Variants in ADAMTS10 observed in about 807,000 individuals in gnomAD.
The protein encoded by ADAMTS10 is ADAM metallopeptidase with thrombospondin type 1 motif 10, also known as A disintegrin and metalloproteinase with thrombospondin motifs 10.
In ADAMTS10, 48 loss-of-function variants were observed where a neutral mutation model predicts 135.9. The ratio of observed to expected loss-of-function variants is 0.35; its 90% CI spans 0.28 to 0.45. The LOEUF (loss-of-function observed/expected upper bound fraction) is 0.45. ADAMTS10 is among the 20% of genes least tolerant of loss of function. The pLI, the probability that ADAMTS10 is intolerant of heterozygous loss-of-function variation, is 1.00. For missense variants in ADAMTS10, 1,131 were observed against 1,565.2 expected (o/e 0.72, Z 4.68); for synonymous variants, 621 against 647.5 (o/e 0.96, Z 0.62).
chr19:8,581,103 G>T, intron 25 of ADAMTS10, 101 bp from the exon 26 acceptor site: 1 of 466,560 alleles, frequency 2.1e-6, no homozygotes, highest in Non-Finnish European at 3.7e-6. Context: ...GACTTTCTGT[G>T]CCTTGGTTTC....
rs2042711922 is a variant in ADAMTS10 at position 8,605,521 on chromosome 19, T to C, written c.88+102A>G. 5.3e-6 allele frequency: 6 copies of C among 1,142,098 alleles called. No individual in the cohort carries two copies. Among genetic ancestry groups the C allele is most frequent in the South Asian group, 1.3e-5 (1 of 76,044 alleles). The allele number at this position is 1,142,098 out of a possible 1,614,324, so 70.7% of individuals were successfully genotyped here. A position where few individuals can be genotyped will look rare whatever the true frequency, so the allele number is the denominator to read the frequency against. On this transcript the variant is annotated intron_variant, in intron 3 of 25. Transcript: ENST00000597188. The surrounding 1 kb of genome is among the most constrained non-coding windows in gnomAD (Gnocchi z 7.7). ...CTATTGACCCCAGGGCCTTCCCCCA[T>C]TGACCCCCATCCCAGCCCCCTGATG...
intron 12 of ADAMTS10, chr19:8,593,459 C>G (rs2042567741): frequency 6.3e-6 from 1 of 157,658 alleles, no homozygotes; most frequent in African/African-American, 2.4e-5. Context: ...ACTGGAGAAG[C>G]CCCCAACACT....
intron 6 of ADAMTS10, among the ~76,000 whole-genome samples, chr19:8,600,497 TTTC>T (rs1186595796): frequency 3.8e-5 from 5 of 131,680 alleles, no homozygotes; most frequent in Non-Finnish European, 7.6e-5. Flanking sequence ...TTTTCTTTCT[TTTC>T]TTTTTTTTTT....
intron 6 of ADAMTS10, among the ~76,000 whole-genome samples, chr19:8,599,051 T>G (rs2042635626): frequency 6.6e-6 from 1 of 152,114 alleles, no homozygotes; most frequent in Admixed American, 6.6e-5. Flanking sequence ...CCTTACTATG[T>G]GCCAAATAGC....
At chr19:8,594,721 G>A (rs1382154367) in intron 12 of ADAMTS10, among the ~76,000 whole-genome samples, 1 of 152,186 alleles carries the variant, frequency 6.6e-6, no homozygotes, top group African/African-American at 2.4e-5. Flanking sequence ...CAGGAGTTTA[G>A]ATGGTGACAC....
intron 2 of ADAMTS10, among the ~76,000 whole-genome samples, chr19:8,607,524 CCCT>C (rs782642542): frequency 2.1e-4 from 32 of 152,254 alleles, no homozygotes; most frequent in Non-Finnish European, 3.4e-4. Flanking sequence ...GCTGTCTCCA[CCCT>C]CCTCCTCCTC....
Position 8,586,212 on chromosome 19 carries a change from T to A in ADAMTS10, c.2570A>T (p.Asp857Val). Residue 857 changes from aspartate (D) to valine (V), a missense_variant, in exon 22 of 26, where the codon GAC becomes GTC. This residue lies in a region of ADAMTS10 where 745 missense variants were observed against 1,056.3 expected (regional missense o/e 0.71). Transcript: ENST00000597188. ...VQAVECRNQL[D>V]SSAVAPHYCS... ...GTAGTGGGGGGCGACCGCGGAGCTG[T>A]CCAGCTGGTTGCGGCACTCCACCGC... 1 of 1,612,928 alleles carries A rather than the reference T, an allele frequency of 6.2e-7. No individual in the cohort carries two copies. The highest frequency in any genetic ancestry group is 8.5e-7 in the Non-Finnish European group (1 of 1,179,920).
Position 8,589,245 on chromosome 19 carries a change from C to A in ADAMTS10, c.2155G>T (p.Ala719Ser). 1 of 1,612,640 alleles carries A rather than the reference C, an allele frequency of 6.2e-7. No individual in the cohort carries two copies. The highest frequency in any genetic ancestry group is 1.1e-5 in the South Asian group (1 of 91,084). Residue 719 changes from alanine to serine, a missense_variant, in exon 18 of 26, where the codon GCC becomes TCC. Physicochemically the swap from Ala to Ser is moderately conservative, Grantham distance 99. Around this residue, in one of 3 missense-constraint regions of ADAMTS10, gnomAD observed 745 missense variants for 1,056.3 expected, o/e 0.71. Coordinates refer to ENST00000597188, the MANE Select transcript of ADAMTS10 (RefSeq NM_030957.4). ...GAGGGAAGCTGGAGACTCTCACCGG[C>A]CCCAGGTGAGGCTGGGCTGAAGACG... Reference protein sequence around the residue: ...EGVFSPASPGAGYEDVVWIPK... With the variant: ...EGVFSPASPGSGYEDVVWIPK...
chr19:8,604,007 T>C (rs1238196835), intron 4 of ADAMTS10, 123 bp from the exon 5 acceptor site: 5 of 1,112,278 alleles, frequency 4.5e-6, no homozygotes, highest in Non-Finnish European at 4.9e-6. Flanking sequence ...ATTTCTTTTT[T>C]TTTTTTTGGC....
chr19:8,598,337 G>A (rs2042627522), intron 6 of ADAMTS10, among the ~76,000 whole-genome samples: 1 of 151,584 alleles, frequency 6.6e-6, no homozygotes, highest in Non-Finnish European at 1.5e-5. Flanking sequence ...TTGTCCAGAG[G>A]CGACCTGAGG....
In ADAMTS10 at chr19:8,593,548, C is replaced by T. The variant is rs535678676; in HGVS notation, c.1480-678G>A. ...CTGTGTGGGACATGCCTCTCTTTCT[C>T]CAGGTGAAAAATCAGCCCCACCTTC... On this transcript the variant is annotated intron_variant, in intron 12 of 25. Transcript: ENST00000597188. The T allele has an allele frequency of 2.6e-5, 4 of 152,602 alleles. No homozygotes were observed. In the South Asian group the frequency reaches 8.3e-4, roughly 32 times the overall value. 9.5% of individuals were successfully genotyped at this position (152,602 alleles called of 1,614,324 possible). A position where few individuals can be genotyped will look rare whatever the true frequency, so the allele number is the denominator to read the frequency against.
chr19:8,589,972 T>C lies in ADAMTS10; in HGVS notation c.1817A>G (p.Gln606Arg). Residue 606 changes from glutamine (Q) to arginine (R), a missense_variant, in exon 16 of 26, where the codon CAG (glutamine) becomes CGG (arginine). Physicochemically the swap from Gln to Arg is conservative, Grantham distance 43. This residue lies in a region of ADAMTS10 where 745 missense variants were observed against 1,056.3 expected (regional missense o/e 0.71). Transcript: ENST00000597188. Reference sequence around the variant, plus strand: ...AGAACACTGCACTTCTCTGAAGTCCTGGGAGCCAGGGGGACAGTCCTGGGG... The same window carrying C: ...AGAACACTGCACTTCTCTGAAGTCCCGGGAGCCAGGGGGACAGTCCTGGGG... ...CNTDDCPPGS[Q>R]DFREVQCSEF... is the part of the protein sequence containing the mutation. The C allele has an allele frequency of 6.2e-7, 1 of 1,613,630 alleles. No individual in the cohort carries two copies.
chr19:8,585,000 G>A lies in ADAMTS10; in HGVS notation c.3097C>T (p.His1033Tyr), dbSNP rs1246555705. The A allele has an allele frequency of 7.8e-5, 121 of 1,541,800 alleles. No individual in the cohort carries two copies. Among genetic ancestry groups the A allele is most frequent in the Non-Finnish European group, 1.0e-4 (120 of 1,145,292 alleles). Residue 1033 changes from histidine to tyrosine, a missense_variant, in exon 25 of 26, where the codon CAC becomes TAC. Around this residue, in one of 3 missense-constraint regions of ADAMTS10, gnomAD observed 745 missense variants for 1,056.3 expected, o/e 0.71. Transcript: ENST00000597188. ...QRQRSVRCTS[H>Y]TGQASHECTE... Reference sequence around the variant, plus strand: ...CACTCGTGCGACGCCTGGCCCGTGTGGCTGGTGCAGCGCACCGAGCGCTGC... The same window carrying A: ...CACTCGTGCGACGCCTGGCCCGTGTAGCTGGTGCAGCGCACCGAGCGCTGC...
Position 8,581,860 on chromosome 19 carries a change from C to CAA in ADAMTS10, c.3203-860_3203-859dup, listed in dbSNP as rs71286209. 1.2e-3 allele frequency among the ~76,000 whole-genome samples: 151 copies of CAA among 127,654 alleles called. 2 individuals carry two copies. The highest frequency in any genetic ancestry group is 4.9e-3 in the East Asian group (21 of 4,316). The allele number at this position is 127,654 out of a possible 152,430, so 83.7% of individuals were successfully genotyped here. A position where few individuals can be genotyped will look rare whatever the true frequency, so the allele number is the denominator to read the frequency against. The stretch of plus-strand genomic sequence containing the variant: ...AAAACAAAACAAAAAAACAAAAAAA[C>CAA]AAAAAAAAAAAAAAGGAAAAATTAG... On this transcript the variant is annotated intron_variant, in intron 25 of 25. Transcript: ENST00000597188.
chr19:8,605,336 C>T lies in ADAMTS10; in HGVS notation c.111G>A (p.Glu37=). 1 of 1,605,616 alleles carries T rather than the reference C, an allele frequency of 6.2e-7. No homozygotes were observed. Among genetic ancestry groups the T allele is most frequent in the Admixed American group, 1.7e-5 (1 of 58,630 alleles). The change falls in exon 4 of 26, where the codon GAG becomes GAA. Residue 37 remains glutamate, a synonymous_variant. Transcript: ENST00000597188. The surrounding 1 kb of genome is among the most constrained non-coding windows in gnomAD (Gnocchi z 7.7). Reference sequence around the variant, plus strand: ...GGGTGGGGAAGGCGATCTCATAGCTCTCCAGACTGGACAGGAACTCATCTG... The same window carrying T: ...GGGTGGGGAAGGCGATCTCATAGCTTTCCAGACTGGACAGGAACTCATCTG... ...RSQDEFLSSL[E]SYEIAFPTRV...
At chr19:8,609,353 G>C (rs2146112656) in intron 1 of ADAMTS10, among the ~76,000 whole-genome samples, 1 of 151,830 alleles carries the variant, frequency 6.6e-6, no homozygotes, top group South Asian at 2.1e-4. Flanking sequence ...AGGAGGAAAT[G>C]CCTCCGGGAA....
chr19:8,580,729 C>T lies in ADAMTS10; in HGVS notation c.*164G>A. 1.6e-6 allele frequency: 1 copy of T among 614,240 alleles called. No individual in the cohort carries two copies. Among genetic ancestry groups the T allele is most frequent in the Non-Finnish European group, 2.9e-6 (1 of 347,562 alleles). The allele number at this position is 614,240 out of a possible 1,614,324, so 38.0% of individuals were successfully genotyped here. A position where few individuals can be genotyped will look rare whatever the true frequency, so the allele number is the denominator to read the frequency against. On this transcript the variant is annotated 3_prime_UTR_variant, in exon 26 of 26. Transcript: ENST00000597188. ...TCTGGGGGGATAGCCAGCCCCTCTC[C>T]ATCCCCCCAGCCAGGGCCCTGCAGG...
chr19:8,597,195 G>T (rs781836748), intron 7 of ADAMTS10, 39 bp downstream of exon 7: 1 of 1,614,106 alleles, frequency 6.2e-7, no homozygotes, highest in Non-Finnish European at 8.5e-7. Context: ...GGACATGCTG[G>T]TATGAAGGGG....
intron 13 of ADAMTS10, 43 bp downstream of exon 13, chr19:8,592,720 C>A: frequency 6.4e-7 from 1 of 1,572,650 alleles, no homozygotes; most frequent in Non-Finnish European, 8.6e-7. Flanking sequence ...CGGGAGGTGG[C>A]TCAGGGGGCG....
Sources: allele counts gnomAD v4.1 joint callset (sites outside exome capture counted in the v4.1 genomes callset), GRCh38; gene constraint gnomAD v4.1.1; regional missense constraint gnomAD v4.1.1; non-coding constraint Gnocchi (gnomAD v3.1); transcripts MANE v1.5; gene names NCBI Gene and HGNC (gene_info 2026-07-23, HGNC 2026-07-21).